Variants in BBS9 observed in about 807,000 individuals in gnomAD.
The protein encoded by BBS9 is Bardet-Biedl syndrome 9.
BBS9 carries 89 observed loss-of-function variants against 117.7 expected under a neutral mutation model. The ratio of observed to expected loss-of-function variants is 0.76; its 90% confidence interval spans 0.64 to 0.90. BBS9 has a LOEUF of 0.90. Ranked by LOEUF, BBS9 falls within the 40% of genes least tolerant of loss-of-function variation. The pLI is 0.00. For missense variants in BBS9, 982 were observed against 1,042.2 expected (o/e 0.94, Z 0.80); for synonymous variants, 379 against 370.9 (o/e 1.02, Z -0.25).
At chr7:33,247,168 A>C (rs2128294040) in intron 5 of BBS9, among the ~76,000 whole-genome samples, 1 of 152,144 alleles carries the variant, frequency 6.6e-6, no homozygotes, top group East Asian at 1.9e-4. Flanking sequence ...TAAGTTTTTC[A>C]ATTTTAAGTT....
intron 5 of BBS9, among the ~76,000 whole-genome samples, chr7:33,198,214 T>C (rs893971568): frequency 2.0e-5 from 3 of 152,040 alleles, no homozygotes; most frequent in Non-Finnish European, 2.9e-5. Context: ...ATAACTGAGA[T>C]GTAATCCTAA....
chr7:33,224,716 A>G (rs1790918809), intron 5 of BBS9, among the ~76,000 whole-genome samples: 1 of 152,158 alleles, frequency 6.6e-6, no homozygotes, highest in African/African-American at 2.4e-5. Context: ...TGTCTTGTAA[A>G]TGTGTTCCTC....
intron 19 of BBS9, among the ~76,000 whole-genome samples, chr7:33,495,337 T>C (rs1212212671): frequency 3.9e-5 from 6 of 152,224 alleles, no homozygotes. Context: ...ACTGCCCATC[T>C]ATCCATCATT....
At chr7:33,410,636 C>G (rs1229396988) in intron 19 of BBS9, among the ~76,000 whole-genome samples, 2 of 152,170 alleles carry the variant, frequency 1.3e-5, no homozygotes, top group Admixed American at 6.5e-5. Context: ...CTTCTTGTCT[C>G]AAAGGATCAG....
chr7:33,497,092 C>T (rs1655996705), intron 19 of BBS9, among the ~76,000 whole-genome samples: 1 of 152,174 alleles, frequency 6.6e-6, no homozygotes, highest in Non-Finnish European at 1.5e-5. Context: ...GCCTTTCCAA[C>T]CAAAGGGCTG....
intron 5 of BBS9, among the ~76,000 whole-genome samples, chr7:33,228,588 C>A (rs758843212): frequency 1.2e-4 from 18 of 152,046 alleles, no homozygotes; most frequent in Non-Finnish European, 2.4e-4. Flanking sequence ...CTATTATTAG[C>A]CTACTGTTGC....
At position 33,215,715 on chromosome 7, in the gene BBS9, C is replaced by G. The variant is rs540130210; in HGVS notation, c.442+38124C>G. ...GGCATTTGCAGCTATTTGAATGGAA[C>G]TGGGAGTCCTTGTTTTAAGTGAAAT... On this transcript the variant is annotated intron_variant, in intron 5 of 22. Transcript: ENST00000242067. Among the ~76,000 whole-genome samples, 9 of 152,210 alleles carry G rather than the reference C, an allele frequency of 5.9e-5. No homozygotes were observed. The South Asian group carries it at 6.2e-4, about 11-fold the overall frequency.
chr7:33,199,181 C>A (rs1426942105), intron 5 of BBS9, among the ~76,000 whole-genome samples: 2 of 151,880 alleles, frequency 1.3e-5, no homozygotes, highest in Non-Finnish European at 2.9e-5. Context: ...CTTTGCTTCT[C>A]TTGCCCAACT....
chr7:33,393,713 G>T (rs972445799), intron 19 of BBS9, among the ~76,000 whole-genome samples: 6 of 152,092 alleles, frequency 3.9e-5, no homozygotes, highest in South Asian at 2.1e-4. Context: ...ATCTTTTTGG[G>T]ACAAACATAT....
At chr7:33,294,021 C>G (rs1804645316) in intron 9 of BBS9, among the ~76,000 whole-genome samples, 1 of 152,048 alleles carries the variant, frequency 6.6e-6, no homozygotes, top group Admixed American at 6.6e-5. Flanking sequence ...CTCCATTTCT[C>G]TCAGAAGAGC....
At chr7:33,247,994 G>C (rs778049377) in intron 5 of BBS9, among the ~76,000 whole-genome samples, 7 of 152,136 alleles carry the variant, frequency 4.6e-5, no homozygotes, top group African/African-American at 7.2e-5. Context: ...GTGATAAATA[G>C]CTTGACAGAA....
chr7:33,588,633 A>G (rs962454898), intron 21 of BBS9, among the ~76,000 whole-genome samples: 1 of 152,178 alleles, frequency 6.6e-6, no homozygotes, highest in Non-Finnish European at 1.5e-5. Context: ...AGTAAGTGCT[A>G]ATGTTAAGTG....
At chr7:33,231,191 A>G (rs1414068916) in intron 5 of BBS9, among the ~76,000 whole-genome samples, 1 of 150,368 alleles carries the variant, frequency 6.7e-6, no homozygotes, top group African/African-American at 2.4e-5. Flanking sequence ...TTTTTTTGAG[A>G]TGGGGTCTCA....
intron 19 of BBS9, among the ~76,000 whole-genome samples, chr7:33,416,526 C>T (rs941598398): frequency 1.3e-5 from 2 of 151,978 alleles, no homozygotes; most frequent in Admixed American, 1.3e-4. Context: ...CCCAAGGGGG[C>T]TCTATTGCAT....
At chr7:33,451,552 A>G (rs1018933838) in intron 19 of BBS9, among the ~76,000 whole-genome samples, 11 of 152,184 alleles carry the variant, frequency 7.2e-5, no homozygotes, top group African/African-American at 2.4e-4. Context: ...CCATTGGTCT[A>G]CATATCTGTC....
intron 15 of BBS9, among the ~76,000 whole-genome samples, chr7:33,357,555 A>G (rs1819833581): frequency 6.6e-6 from 1 of 151,826 alleles, no homozygotes; most frequent in South Asian, 2.1e-4. Context: ...AATTGAATGT[A>G]AGTGACTATA....
chr7:33,218,194 T>A (rs1171875420), intron 5 of BBS9, among the ~76,000 whole-genome samples: 1 of 152,214 alleles, frequency 6.6e-6, no homozygotes, highest in East Asian at 1.9e-4. Flanking sequence ...ATAGATTACA[T>A]ACTTACTGAG....
rs1219624450 is a variant in BBS9, at chr7:33,405,822, G to GT, written c.2115+17678_2115+17679insT. On this transcript the variant is annotated intron_variant, in intron 19 of 22. Transcript: ENST00000242067. ...TCCTGGATTCATTAATTTTTTGAAG[G>GT]GTTTTTTGTGTCTCTATTTCCTTCA... Among the ~76,000 whole-genome samples, 3 of 151,886 alleles carry GT rather than the reference G, an allele frequency of 2.0e-5. No individual in the cohort carries two copies. The East Asian group carries it at 5.8e-4, about 29-fold the overall frequency.
intron 15 of BBS9, among the ~76,000 whole-genome samples, chr7:33,354,272 AG>A (rs1347611970): frequency 1.3e-5 from 2 of 152,150 alleles, no homozygotes; most frequent in African/African-American, 2.4e-5. Flanking sequence ...CTTACACACA[AG>A]GCTTCATATT....
Sources: allele counts gnomAD v4.1 joint callset (sites outside exome capture counted in the v4.1 genomes callset), GRCh38; gene constraint gnomAD v4.1.1; transcripts MANE v1.5; gene names NCBI Gene and HGNC (gene_info 2026-07-23, HGNC 2026-07-21).